The following LIG1 variants were observed in gnomAD, a reference collection of about 807,000 sequenced individuals.
The protein encoded by LIG1 is ligase I, DNA, ATP-dependent.
LIG1 carries 70 observed loss-of-function variants against 115.7 expected under a neutral mutation model. That is an observed-to-expected ratio of 0.60 (90% CI 0.50 to 0.74). The LOEUF (loss-of-function observed/expected upper bound fraction) is 0.74, where lower values mean the gene tolerates loss of function less well. Among genes scored for constraint, LIG1 ranks in the 30% least tolerant of loss-of-function variants. The probability of loss-of-function intolerance (pLI) is 0.00; values close to 1 mark genes in which losing one functional copy is unlikely to be tolerated. For synonymous variants in LIG1, 487 were observed against 495.3 expected, an observed-to-expected ratio of 0.98 and a Z score of 0.22; for missense variants, 1,115 against 1,225.6, an observed-to-expected ratio of 0.91 and a Z score of 1.35.
At chr19:48,155,982 A>G (rs2035807362) in intron 5 of LIG1, among the ~76,000 whole-genome samples, 1 of 152,208 alleles carries the variant, frequency 6.6e-6, no homozygotes, top group South Asian at 2.1e-4. Context: ...AGCGCTCAAT[A>G]GGCTAGACCG....
At chr19:48,138,216 T>C (rs2034522006) in intron 12 of LIG1, among the ~76,000 whole-genome samples, 1 of 152,004 alleles carries the variant, frequency 6.6e-6, no homozygotes, top group Admixed American at 6.6e-5. Flanking sequence ...AGATGGAGCC[T>C]CAAGTCACGG....
chr19:48,131,934 C>CT lies in LIG1; in HGVS notation c.1726-764dup, dbSNP rs34833018. Among the ~76,000 whole-genome samples the CT allele has an allele frequency of 1.7e-3, 220 of 131,882 alleles. 1 individual carries two copies. The highest frequency in any genetic ancestry group is 3.5e-3 in the African/African-American group (119 of 34,160). The allele number at this position is 131,882 out of a possible 152,430, so 86.5% of individuals were successfully genotyped here. A position where few individuals can be genotyped will look rare whatever the true frequency, so the allele number is the denominator to read the frequency against. The stretch of plus-strand genomic sequence containing the variant: ...TGATCCTGTGTCTGTTGGATCCACC[C>CT]TTTTTTTTTTTTTTTTTTTAAAAGA... On this transcript the variant is annotated intron_variant, in intron 18 of 27. Coordinates refer to ENST00000263274, the MANE Select transcript of LIG1 (RefSeq NM_000234.3).
chr19:48,119,107 G>A lies in LIG1; in HGVS notation c.2439+30C>T, dbSNP rs1475492103. 7.1e-6 allele frequency: 11 copies of A among 1,548,014 alleles called. No individual in the cohort carries two copies. The African/African-American group carries it at 1.1e-4, about 15-fold the overall frequency. ...TGTCAGGGGCAGGGGGGAGAGGGGT[G>A]GAGGCTGAGGCGCAGCCGCCATGGC... On this transcript the variant is annotated intron_variant, in intron 25 of 27. Transcript: ENST00000263274.
In LIG1 at chr19:48,137,748, T is replaced by G. The variant is rs1356001942; in HGVS notation, c.1088-60A>C. On this transcript the variant is annotated intron_variant, in intron 12 of 27. Transcript: ENST00000263274. The surrounding 1 kb of genome is among the most constrained non-coding windows in gnomAD (Gnocchi z 4.3). ...TGACAGTTGTGGCTGCGTGTCTCCC[T>G]TCTCTCGCGGCCTGGATGAATTTTC... 2 of 1,581,152 alleles carry G rather than the reference T, an allele frequency of 1.3e-6. No individual in the cohort carries two copies. Among genetic ancestry groups the G allele is most frequent in the East Asian group, 4.5e-5 (2 of 44,350 alleles).
Position 48,162,336 on chromosome 19 carries a change from G to C in LIG1, c.33C>G (p.Pro11=). 1 of 1,613,528 alleles carries C rather than the reference G, an allele frequency of 6.2e-7. No individual in the cohort carries two copies. The highest frequency in any genetic ancestry group is 2.2e-5 in the East Asian group (1 of 44,880). The change falls in exon 3 of 28, where the codon CCC becomes CCG. Residue 11 remains proline, a synonymous_variant. Coordinates refer to ENST00000263274, the MANE Select transcript of LIG1 (RefSeq NM_000234.3). Reference sequence around the variant, plus strand: ...GCTTCTTTGCTTTACCCTCTTTCTTGGGGTGGAAAAATGACCTAGAGGAGC... The same window carrying C: ...GCTTCTTTGCTTTACCCTCTTTCTTCGGGTGGAAAAATGACCTAGAGGAGC... MQRSIMSFFH[P]KKEGKAKKPE...
chr19:48,143,843 G>A, intron 10 of LIG1, 40 bp downstream of exon 10: 4 of 1,543,984 alleles, frequency 2.6e-6, no homozygotes, highest in Non-Finnish European at 3.6e-6. Flanking sequence ...GGTGGCAACA[G>A]GGACCGGAGG....
rs770501021 is a variant in LIG1, at chr19:48,150,069, G to A, written c.697+19C>T. The A allele has an allele frequency of 3.7e-6, 6 of 1,614,146 alleles. No homozygotes were observed. The highest frequency in any genetic ancestry group is 4.2e-6 in the Non-Finnish European group (5 of 1,180,008). On this transcript the variant is annotated intron_variant, in intron 8 of 27. Transcript: ENST00000263274. ...TGCCTGTACAACCCCGGGAGGTGGG[G>A]TGAGCAAGGGAAACTCACTGAAGAA...
intron 9 of LIG1, among the ~76,000 whole-genome samples, chr19:48,149,552 C>T (rs2035336001): frequency 6.6e-6 from 1 of 152,160 alleles, no homozygotes; most frequent in Admixed American, 6.5e-5. Context: ...CGACCCTGGA[C>T]CGTTTCTACA....
At chr19:48,169,868 CG>C (rs568508340) in intron 1 of LIG1, 42 of 156,092 alleles carry the variant, frequency 2.7e-4, no homozygotes, top group Middle Eastern at 5.4e-3. Context: ...CCCGCCCCCT[CG>C]GGGGGCCTTC....
In LIG1 at chr19:48,157,010, T is replaced by C. The variant is rs764993114; in HGVS notation, c.370+4A>G. On this transcript the variant is annotated splice_donor_region_variant and intron_variant, in intron 5 of 27. Transcript: ENST00000263274. The stretch of plus-strand genomic sequence containing the variant: ...TGAAGGGGCAGGGGCCCGTGTGTTC[T>C]CACCTGTGCGACGCTTCGGAATCCC... The C allele has an allele frequency of 6.7e-7, 1 of 1,498,700 alleles. No individual in the cohort carries two copies. Among genetic ancestry groups the C allele is most frequent in the African/African-American group, 1.4e-5 (1 of 71,110 alleles). 92.8% of individuals were successfully genotyped at this position (1,498,700 alleles called of 1,614,324 possible). A position where few individuals can be genotyped will look rare whatever the true frequency, so the allele number is the denominator to read the frequency against.
At chr19:48,118,339 C>G (rs755814369) in intron 25 of LIG1, 1 of 172,262 alleles carries the variant, frequency 5.8e-6, no homozygotes, top group Non-Finnish European at 1.2e-5. Context: ...AGGTTTTTCC[C>G]GTGCTGTTCT....
At chr19:48,142,844 T>C (rs945115819) in intron 11 of LIG1, among the ~76,000 whole-genome samples, 1 of 152,292 alleles carries the variant, frequency 6.6e-6, no homozygotes, top group East Asian at 1.9e-4. Flanking sequence ...GGTTTCACCA[T>C]GTTGGCCAGG....
chr19:48,155,614 T>C (rs2035784157), intron 5 of LIG1, among the ~76,000 whole-genome samples: 1 of 152,148 alleles, frequency 6.6e-6, no homozygotes, highest in Admixed American at 6.5e-5. Context: ...CCTTAAACTT[T>C]CTTGCAGCCA....
Position 48,123,233 on chromosome 19 carries a change from G to A in LIG1, c.2090C>T (p.Thr697Ile). 6.2e-7 allele frequency: 1 copy of A among 1,614,122 alleles called. No homozygotes were observed. Among genetic ancestry groups the A allele is most frequent in the South Asian group, 1.1e-5 (1 of 91,070 alleles). ...CTCGATGTCCTTGGTGTCCAGGGAG[G>A]TGGCGAAGACAAACTCGCCCTCTGT... is the stretch of plus-strand genomic sequence containing the variant. Reference protein sequence around the residue: ...VETEGEFVFATSLDTKDIEQI... With the variant: ...VETEGEFVFAISLDTKDIEQI... The change falls in exon 22 of 28, where the codon ACC (threonine) becomes ATC (isoleucine). Residue 697 changes from threonine (T) to isoleucine (I), a missense_variant. By Grantham distance (89) the Thr-to-Ile change is moderately conservative (BLOSUM62 -1). Coordinates refer to ENST00000263274, the MANE Select transcript of LIG1 (RefSeq NM_000234.3).
At chr19:48,158,029 T>C (rs945231996) in intron 4 of LIG1, among the ~76,000 whole-genome samples, 1 of 152,074 alleles carries the variant, frequency 6.6e-6, no homozygotes, top group African/African-American at 2.4e-5. Context: ...TGAGAGCTGG[T>C]TGTTTAAAAT....
At chr19:48,141,395 GTGCTGGGATTAC>G (rs1568514876) in intron 11 of LIG1, among the ~76,000 whole-genome samples, 1 of 148,186 alleles carries the variant, frequency 6.7e-6, no homozygotes, top group Non-Finnish European at 1.5e-5. Flanking sequence ...GCCTCCCAAA[GTGCTGGGATTAC>G]AGGCGTGAGC....
chr19:48,148,156 T>C (rs993778939), intron 9 of LIG1, among the ~76,000 whole-genome samples: 3 of 152,134 alleles, frequency 2.0e-5, no homozygotes, highest in Non-Finnish European at 4.4e-5. Context: ...GACAGTGTTG[T>C]AGGCCGGGGT....
chr19:48,138,408 T>C (rs2034532256), intron 12 of LIG1, among the ~76,000 whole-genome samples: 1 of 152,176 alleles, frequency 6.6e-6, no homozygotes, highest in Non-Finnish European at 1.5e-5. Context: ...CAATCCGTAA[T>C]GAACGAACAA....
In LIG1 at chr19:48,117,588, G is replaced by C. The variant is rs575223898; in HGVS notation, c.2583+50C>G. ...CCCCTCCCTACTCTGCTCTCTGTGT[G>C]CCCGCCCAGAATCCCACACAGGGCC... On this transcript the variant is annotated intron_variant, in intron 26 of 27. Coordinates refer to ENST00000263274, the MANE Select transcript of LIG1 (RefSeq NM_000234.3). 3.1e-6 allele frequency: 5 copies of C among 1,599,488 alleles called. No homozygotes were observed. The African/African-American group carries it at 5.3e-5, about 17-fold the overall frequency.
Sources: gnomAD v4.1 joint callset for allele counts (sites outside exome capture counted in the v4.1 genomes callset) on GRCh38, gnomAD v4.1.1 for gene constraint, Gnocchi (gnomAD v3.1) non-coding constraint, MANE v1.5 for transcripts, NCBI Gene and HGNC (gene_info 2026-07-23, HGNC 2026-07-21) for gene names.